Variants in LRP1B observed in about 807,000 individuals in gnomAD.
LRP1B encodes LDL receptor related protein 1B, also known as low-density lipoprotein receptor-related protein 1B.
In LRP1B, 217 loss-of-function variants were observed where a neutral mutation model predicts 556.6. The observed-to-expected ratio is 0.39, with a 90% CI of 0.35 to 0.44. The LOEUF is 0.44. Among genes scored for constraint, LRP1B ranks in the 20% least tolerant of loss-of-function variants. The pLI is 1.00. For missense variants in LRP1B, 5,053 were observed against 5,620.8 expected (o/e 0.90, Z 3.23); for synonymous variants, 2,047 against 1,865.8 (o/e 1.10, Z -2.50).
At chr2:141,757,073 T>C (rs963893468) in intron 2 of LRP1B, among the ~76,000 whole-genome samples, 4 of 152,296 alleles carry the variant, frequency 2.6e-5, no homozygotes, top group Admixed American at 1.3e-4. Flanking sequence ...TTAATATTTG[T>C]ACATTTTCTA....
chr2:140,340,379 G>C (rs561068670), intron 77 of LRP1B, among the ~76,000 whole-genome samples: 1 of 151,502 alleles, frequency 6.6e-6, no homozygotes, highest in Non-Finnish European at 1.5e-5. Flanking sequence ...TCCATTCTGG[G>C]TAAGTGTGCA....
intron 84 of LRP1B, among the ~76,000 whole-genome samples, chr2:140,285,999 C>G (rs1683134106): frequency 6.6e-6 from 1 of 151,806 alleles, no homozygotes; most frequent in Non-Finnish European, 1.5e-5. Context: ...TTTTCATAAT[C>G]TCTAGTCTCA....
intron 2 of LRP1B, among the ~76,000 whole-genome samples, chr2:141,790,618 T>C (rs1695580940): frequency 6.6e-6 from 1 of 151,970 alleles, no homozygotes; most frequent in Non-Finnish European, 1.5e-5. Context: ...AAGTTGAGTC[T>C]CCAGCAGCAC....
intron 1 of LRP1B, among the ~76,000 whole-genome samples, chr2:141,996,509 GAAATGCTCAAT>G (rs1165982801): frequency 8.1e-4 from 123 of 152,224 alleles, no homozygotes; most frequent in African/African-American, 2.8e-3. Flanking sequence ...AGGGACATAA[GAAATGCTCAAT>G]AAACTGTAGC....
chr2:140,784,002 T>G (rs1339478565), intron 32 of LRP1B, among the ~76,000 whole-genome samples: 1 of 152,170 alleles, frequency 6.6e-6, no homozygotes, highest in Admixed American at 6.5e-5. Context: ...ACAATTTGCA[T>G]TTATGAAAAG....
chr2:141,104,979 G>A (rs1700568689), intron 7 of LRP1B, among the ~76,000 whole-genome samples: 1 of 151,988 alleles, frequency 6.6e-6, no homozygotes, highest in South Asian at 2.1e-4. Context: ...TTATAAAGTG[G>A]TGGTATAGTA....
chr2:142,085,520 A>G (rs1376272180), intron 1 of LRP1B, among the ~76,000 whole-genome samples: 3 of 152,206 alleles, frequency 2.0e-5, no homozygotes, highest in Non-Finnish European at 4.4e-5. Context: ...ATTATTATAT[A>G]CAAACTTAAG....
At chr2:141,836,460 C>G (rs888054123) in intron 1 of LRP1B, among the ~76,000 whole-genome samples, 7 of 151,420 alleles carry the variant, frequency 4.6e-5, no homozygotes, top group African/African-American at 1.5e-4. Context: ...CTCTTTTATT[C>G]CTAAGACTGC....
intron 1 of LRP1B, among the ~76,000 whole-genome samples, chr2:141,992,125 A>T (rs915035681): frequency 6.6e-6 from 1 of 152,104 alleles, no homozygotes; most frequent in African/African-American, 2.4e-5. Flanking sequence ...TATAGTCATT[A>T]TACTGTATTG....
In LRP1B at chr2:140,270,407, C is replaced by A. The variant is rs145713236; in HGVS notation, c.13143-61G>T. 17,920 of 1,029,878 alleles carry A rather than the reference C, an allele frequency of 0.017. 197 individuals carry two copies. The highest frequency in any genetic ancestry group is 0.023 in the Non-Finnish European group (14,890 of 651,574). The allele number at this position is 1,029,878 out of a possible 1,614,324, so 63.8% of individuals were successfully genotyped here. A position where few individuals can be genotyped will look rare whatever the true frequency, so the allele number is the denominator to read the frequency against. On this transcript the variant is annotated intron_variant, in intron 85 of 90. Coordinates refer to ENST00000389484, the MANE Select transcript of LRP1B (RefSeq NM_018557.3). ...TTATTGGCAACATTATTGCTGAAAG[C>A]TGACATAAACTCTCTGTGGATGAGA...
intron 2 of LRP1B, among the ~76,000 whole-genome samples, chr2:141,510,195 GACACACACAC>G (rs59647485): frequency 4.2e-5 from 4 of 95,100 alleles, no homozygotes; most frequent in East Asian, 4.9e-4. Context: ...CGGCAATACA[GACACACACAC>G]ACACACACAC....
At chr2:141,996,220 A>C (rs1702486575) in intron 1 of LRP1B, among the ~76,000 whole-genome samples, 1 of 84,590 alleles carries the variant, frequency 1.2e-5, no homozygotes, top group Admixed American at 1.6e-4. Context: ...CAAAAAAAAA[A>C]AAAAAAAACG....
At chr2:140,937,927 T>C (rs1293753035) in intron 20 of LRP1B, among the ~76,000 whole-genome samples, 2 of 151,072 alleles carry the variant, frequency 1.3e-5, no homozygotes, top group Non-Finnish European at 3.0e-5. Flanking sequence ...TTTTTTTTGG[T>C]ACATAATATT....
At chr2:140,779,159 G>A (rs1390274462) in intron 32 of LRP1B, among the ~76,000 whole-genome samples, 2 of 151,808 alleles carry the variant, frequency 1.3e-5, no homozygotes, top group African/African-American at 2.4e-5. Flanking sequence ...AAAAAGAATA[G>A]AAAAAATGAA....
At chr2:142,055,116 A>G (rs1395370642) in intron 1 of LRP1B, among the ~76,000 whole-genome samples, 1 of 152,162 alleles carries the variant, frequency 6.6e-6, no homozygotes, top group Non-Finnish European at 1.5e-5. Context: ...TGGACAAGAC[A>G]GAATGTTTTT....
At chr2:140,702,107 T>C (rs1686665653) in intron 39 of LRP1B, 34 bp downstream of exon 39, 1 of 1,603,744 alleles carries the variant, frequency 6.2e-7, no homozygotes, top group Admixed American at 1.7e-5. Flanking sequence ...AAATAACATT[T>C]TGAGACTCAA....
intron 2 of LRP1B, among the ~76,000 whole-genome samples, chr2:141,722,462 C>A (rs991780429): frequency 4.6e-5 from 7 of 152,076 alleles, no homozygotes; most frequent in African/African-American, 1.2e-4. Flanking sequence ...TAATTTAGAG[C>A]ACATTAGTAC....
At chr2:141,119,265 T>C (rs1173772863) in intron 7 of LRP1B, among the ~76,000 whole-genome samples, 1 of 151,884 alleles carries the variant, frequency 6.6e-6, no homozygotes, top group Admixed American at 6.6e-5. Context: ...CCTTCTAAAC[T>C]GAAAAGGAAT....
chr2:140,481,599 ATTATT>A (rs573196701), intron 59 of LRP1B, among the ~76,000 whole-genome samples: 6,668 of 143,386 alleles, frequency 0.047, 202 homozygotes, highest in Non-Finnish European at 0.049. Flanking sequence ...TATTATTATT[ATTATT>A]ATTATTATTA....
Sources: allele counts gnomAD v4.1 joint callset (sites outside exome capture counted in the v4.1 genomes callset), GRCh38; gene constraint gnomAD v4.1.1; transcripts MANE v1.5; gene names NCBI Gene and HGNC (gene_info 2026-07-23, HGNC 2026-07-21).